The following CNGB3 variants were observed in gnomAD, a reference collection of about 807,000 sequenced individuals.
CNGB3 encodes the protein cyclic nucleotide-gated channel beta-3.
CNGB3 carries 86 observed loss-of-function variants against 92.8 expected under a neutral mutation model. The observed-to-expected ratio is 0.93, with a 90% CI of 0.78 to 1.11. CNGB3 has a LOEUF of 1.11. Among genes scored for constraint, CNGB3 ranks in the 50% least tolerant of loss-of-function variants. The pLI, the probability that CNGB3 is intolerant of heterozygous loss-of-function variation, is 0.00. For synonymous variants in CNGB3, 333 were observed against 332.7 expected (o/e 1.00, Z -0.01); for missense variants, 1,026 against 956.8 (o/e 1.07, Z -0.95).
chr8:86,732,159 A>T (rs1467805420), intron 2 of CNGB3, among the ~76,000 whole-genome samples: 2 of 152,218 alleles, frequency 1.3e-5, no homozygotes, highest in African/African-American at 4.8e-5. Flanking sequence ...CAGTAATTTT[A>T]TCGGTCAGAA....
chr8:86,607,718 C>G (rs1320989304), intron 14 of CNGB3, among the ~76,000 whole-genome samples: 1 of 152,214 alleles, frequency 6.6e-6, no homozygotes, highest in East Asian at 1.9e-4. Flanking sequence ...AAGAAAACTC[C>G]CACTCTTTCA....
intron 3 of CNGB3, among the ~76,000 whole-genome samples, chr8:86,695,124 G>A (rs549742640): frequency 1.1e-4 from 17 of 150,582 alleles, no homozygotes; most frequent in Admixed American, 2.6e-4. Context: ...GCGAAACCCC[G>A]TCTCCACCAA....
At chr8:86,613,204 G>GT (rs1463242032) in intron 13 of CNGB3, among the ~76,000 whole-genome samples, 75 of 152,242 alleles carry the variant, frequency 4.9e-4, no homozygotes, top group Non-Finnish European at 7.4e-5. Flanking sequence ...TATTTGCTTT[G>GT]TGCAAAGTAT....
chr8:86,700,004 C>A (rs1322390923), intron 3 of CNGB3, among the ~76,000 whole-genome samples: 1 of 152,044 alleles, frequency 6.6e-6, no homozygotes, highest in Admixed American at 6.6e-5. Flanking sequence ...AATGGCAAGA[C>A]CCCCACAAAA....
chr8:86,574,762 C>G lies in CNGB3; in HGVS notation c.*1042G>C, dbSNP rs1371223019. On this transcript the variant is annotated 3_prime_UTR_variant, in exon 18 of 18. Transcript: ENST00000320005. ...GCCTTTGTAGCCTCCTCACAGCATG[C>G]AACGTCGGTAATTATGCTAATGCTA... 6.6e-6 allele frequency: 1 copy of G among 152,164 alleles called. No individual in the cohort carries two copies. The highest frequency in any genetic ancestry group is 1.5e-5 in the Non-Finnish European group (1 of 68,024). The allele number at this position is 152,164 out of a possible 1,614,324, so 9.4% of individuals were successfully genotyped here.
At chr8:86,672,692 C>G (rs1240981902) in intron 3 of CNGB3, among the ~76,000 whole-genome samples, 1 of 152,114 alleles carries the variant, frequency 6.6e-6, no homozygotes, top group East Asian at 1.9e-4. Context: ...GAGTATGAGC[C>G]CCTCTCCATG....
intron 3 of CNGB3, among the ~76,000 whole-genome samples, chr8:86,688,564 G>A (rs981251839): frequency 2.6e-5 from 4 of 151,840 alleles, no homozygotes; most frequent in African/African-American, 9.7e-5. Flanking sequence ...TTTCTTTCTG[G>A]AATTTATCAA....
chr8:86,621,777 G>A (rs796500100), intron 13 of CNGB3, among the ~76,000 whole-genome samples: 31 of 152,164 alleles, frequency 2.0e-4, no homozygotes, highest in African/African-American at 7.2e-4. Flanking sequence ...TAGAATAATT[G>A]TCTCCAGCCA....
chr8:86,681,247 G>T (rs73690207), intron 3 of CNGB3, among the ~76,000 whole-genome samples: 1 of 152,080 alleles, frequency 6.6e-6, no homozygotes, highest in Non-Finnish European at 1.5e-5. Context: ...AGATTATTGC[G>T]AAAGGGAATA....
chr8:86,678,154 T>C (rs1298507047), intron 3 of CNGB3, among the ~76,000 whole-genome samples: 1 of 152,156 alleles, frequency 6.6e-6, no homozygotes, highest in African/African-American at 2.4e-5. Context: ...GTTTAGGCAA[T>C]AATTAATGAT....
chr8:86,703,342 AAGAC>A lies in CNGB3; in HGVS notation c.338+23185_338+23188del, dbSNP rs761493035. 1.3e-4 allele frequency among the ~76,000 whole-genome samples: 20 copies of A among 152,350 alleles called. 1 individual carries two copies. Among genetic ancestry groups the A allele is most frequent in the Admixed American group, 5.9e-4 (9 of 15,308 alleles). ...AGTTTGTCTATTGTGTTGGTAAAGA[AAGAC>A]AGAAGTGGGAGGAGGAGAGGAAAAT... On this transcript the variant is annotated intron_variant, in intron 3 of 17. Transcript: ENST00000320005.
chr8:86,648,404 A>G (rs1465210848), intron 7 of CNGB3, among the ~76,000 whole-genome samples: 1 of 151,202 alleles, frequency 6.6e-6, no homozygotes, highest in African/African-American at 2.4e-5. Flanking sequence ...TTTGCTACCA[A>G]TAAACTGCTT....
intron 3 of CNGB3, among the ~76,000 whole-genome samples, chr8:86,679,608 C>T (rs562970841): frequency 2.6e-5 from 4 of 151,970 alleles, no homozygotes; most frequent in African/African-American, 9.7e-5. Flanking sequence ...TCACTGCAAC[C>T]TTTGCCTCCT....
intron 6 of CNGB3, chr8:86,657,616 G>A (rs979203093): frequency 1.5e-5 from 6 of 404,064 alleles, no homozygotes; most frequent in African/African-American, 4.2e-5. Context: ...TGGCAGCCCC[G>A]AGCTCCTGTG....
intron 6 of CNGB3, chr8:86,658,310 CG>C: frequency 2.0e-6 from 1 of 495,096 alleles, no homozygotes; most frequent in African/African-American, 2.0e-5. Context: ...CCAGTTCCTC[CG>C]GGATGCTTGG....
Position 86,686,609 on chromosome 8 carries a change from C to A in CNGB3, c.339-15511G>T, listed in dbSNP as rs574252710. 2.6e-5 allele frequency among the ~76,000 whole-genome samples: 4 copies of A among 151,546 alleles called. No homozygotes were observed. The South Asian group carries it at 8.4e-4, about 32-fold the overall frequency. ...TAAGAATCCTTTTGGAAACTGAAAT[C>A]TGTACTTGGCTTTCTAGCAGTAACC... On this transcript the variant is annotated intron_variant, in intron 3 of 17. Transcript: ENST00000320005.
intron 3 of CNGB3, among the ~76,000 whole-genome samples, chr8:86,717,726 A>G (rs1195291167): frequency 6.6e-6 from 1 of 152,182 alleles, no homozygotes; most frequent in African/African-American, 2.4e-5. Flanking sequence ...ATTCATCAGC[A>G]CCTGGAACAT....
At chr8:86,641,940 C>G (rs1451539227) in intron 10 of CNGB3, among the ~76,000 whole-genome samples, 1 of 151,800 alleles carries the variant, frequency 6.6e-6, no homozygotes, top group Admixed American at 6.6e-5. Flanking sequence ...AATTAGAAAT[C>G]CAAAACACTA....
intron 15 of CNGB3, among the ~76,000 whole-genome samples, chr8:86,591,312 G>C (rs1052221759): frequency 2.3e-4 from 17 of 73,780 alleles, no homozygotes; most frequent in South Asian, 8.4e-4. Flanking sequence ...AGAGTAATTT[G>C]ATCGTCTGAA....
Sources: allele counts gnomAD v4.1 joint callset (sites outside exome capture counted in the v4.1 genomes callset), GRCh38; gene constraint gnomAD v4.1.1; transcripts MANE v1.5; gene names NCBI Gene and HGNC (gene_info 2026-07-23, HGNC 2026-07-21).